KCP: variants seen among roughly 807,000 people sequenced by gnomAD.
KCP encodes the protein kielin/chordin-like protein.
A neutral mutation model predicts 212.7 loss-of-function variants in KCP; 194 were observed. The observed-to-expected ratio is 0.91, with a 90% confidence interval of 0.81 to 1.03. The LOEUF (loss-of-function observed/expected upper bound fraction) is 1.03. KCP is among the 50% of genes least tolerant of loss of function. The probability of loss-of-function intolerance (pLI) is 0.00; values close to 1 mark genes in which losing one functional copy is unlikely to be tolerated. For synonymous variants in KCP, 833 were observed against 865.3 expected (o/e 0.96, Z 0.65); for missense variants, 2,080 against 2,162.5 (o/e 0.96, Z 0.76).
rs940525120 is a variant in KCP at position 128,876,976 on chromosome 7, A to C, written c.*67T>G. On this transcript the variant is annotated 3_prime_UTR_variant, in exon 40 of 40. Coordinates refer to ENST00000610776, the MANE Select transcript of KCP (RefSeq NM_001366122.1). ...GGGCATTCTCTCCATAGCCCTAACC[A>C]GGGTGGGAACTGCTCGCCAAGGGGA... 1 of 1,505,590 alleles carries C rather than the reference A, an allele frequency of 6.6e-7. No individual in the cohort carries two copies. Among genetic ancestry groups the C allele is most frequent in the African/African-American group, 1.4e-5 (1 of 70,430 alleles). 93.3% of individuals were successfully genotyped at this position (1,505,590 alleles called of 1,614,324 possible). A position where few individuals can be genotyped will look rare whatever the true frequency, so the allele number is the denominator to read the frequency against.
chr7:128,907,286 T>C lies in KCP; in HGVS notation c.387A>G (p.Gln129=), dbSNP rs1483279550. 2.0e-6 allele frequency: 3 copies of C among 1,535,502 alleles called. No individual in the cohort carries two copies. Among genetic ancestry groups the C allele is most frequent in the South Asian group, 2.4e-5 (2 of 83,548 alleles). ...CQDGAAHCGP[Q]AHLPHCRGCS... is the part of the protein sequence containing the mutation. ...TACCCCTGCAATGGGGCAGGTGTGC[T>C]TGGGGGCCACAGTGAGCGGCCCCAT... The change falls in exon 3 of 40, where the codon CAA becomes CAG. Residue 129 remains glutamine, a synonymous_variant. Transcript: ENST00000610776.
chr7:128,893,428 A>C lies in KCP; in HGVS notation c.1148T>G (p.Leu383Arg), dbSNP rs539049577. 1 of 1,551,614 alleles carries C rather than the reference A, an allele frequency of 6.4e-7. No individual in the cohort carries two copies. Among genetic ancestry groups the C allele is most frequent in the South Asian group, 1.2e-5 (1 of 84,062 alleles). ...HQYQSQETFR[L>R]QERGLCVRCS... is the part of the protein sequence containing the mutation. Reference sequence around the variant, plus strand: ...GCGGACACAGAGGCCCCGCTCTTGGAGTCTGAAGGTCTCCTGGCTCTGATA... The same window carrying C: ...GCGGACACAGAGGCCCCGCTCTTGGCGTCTGAAGGTCTCCTGGCTCTGATA... Residue 383 changes from leucine (L) to arginine (R), a missense_variant, in exon 12 of 40, where the codon CTC becomes CGC. Leu to Arg is a moderately radical substitution (Grantham distance 102, BLOSUM62 -2). Transcript: ENST00000610776.
At chr7:128,885,658 CATCTGTT>C (rs1303921897) in intron 26 of KCP, among the ~76,000 whole-genome samples, 4 of 152,200 alleles carry the variant, frequency 2.6e-5, no homozygotes, top group African/African-American at 9.7e-5. Flanking sequence ...TCAGTCTCCT[CATCTGTT>C]AAATGGGGAT....
chr7:128,901,567 C>A (rs1331711899), intron 8 of KCP, among the ~76,000 whole-genome samples: 2 of 151,952 alleles, frequency 1.3e-5, no homozygotes, highest in Non-Finnish European at 2.9e-5. Flanking sequence ...CGGAGCTTGC[C>A]GTGAGCCAAG....
rs560098339 is a variant in KCP at position 128,876,942 on chromosome 7, G to A, written c.*101C>T. ...GCAGGGCAGGGGCCCAGGCTCCAGTGTCCAGGCAGGGCATTCTCTCCATAG... is the reference window on the plus strand; with the variant it reads ...GCAGGGCAGGGGCCCAGGCTCCAGTATCCAGGCAGGGCATTCTCTCCATAG... On this transcript the variant is annotated 3_prime_UTR_variant, in exon 40 of 40. Transcript: ENST00000610776. 3.8e-5 allele frequency: 52 copies of A among 1,380,550 alleles called. No homozygotes were observed. In the African/African-American group the frequency reaches 6.2e-4, roughly 16 times the overall value. 85.5% of individuals were successfully genotyped at this position (1,380,550 alleles called of 1,614,324 possible). A position where few individuals can be genotyped will look rare whatever the true frequency, so the allele number is the denominator to read the frequency against.
chr7:128,888,739 G>A (rs1226932098), intron 22 of KCP, 124 bp downstream of exon 22: 10 of 933,968 alleles, frequency 1.1e-5, no homozygotes, highest in East Asian at 5.3e-5. Context: ...TGAGGGAGTC[G>A]GAGAGTGAGA....
chr7:128,894,039 C>T lies in KCP; in HGVS notation c.942G>A (p.Gly314=), dbSNP rs1794361143. 2 of 1,550,016 alleles carry T rather than the reference C, an allele frequency of 1.3e-6. No individual in the cohort carries two copies. Among genetic ancestry groups the T allele is most frequent in the African/African-American group, 1.4e-5 (1 of 73,170 alleles). The change falls in exon 10 of 40, where the codon GGG becomes GGA. Residue 314 remains glycine (G), a synonymous_variant. Transcript: ENST00000610776. ...CAGGCTCCCCGCTGCGGTGCTCCCG[C>T]CCGTTTAGGAAACAGCCTGTTGGGA... The part of the protein sequence containing the change: ...CPVCDGCFLN[G]REHRSGEPVG...
chr7:128,889,123 G>A lies in KCP; in HGVS notation c.2336-84C>T, dbSNP rs1793926357. 5 of 1,047,624 alleles carry A rather than the reference G, an allele frequency of 4.8e-6. No individual in the cohort carries two copies. The South Asian group carries it at 5.9e-5, about 12-fold the overall frequency. 64.9% of individuals were successfully genotyped at this position (1,047,624 alleles called of 1,614,324 possible). The stretch of plus-strand genomic sequence containing the variant: ...GGTCATAGGCTCTGAGCTTGGGCCT[G>A]TTATGCATCCAAGATCTCAAAGATC... On this transcript the variant is annotated intron_variant, in intron 21 of 39. Coordinates refer to ENST00000610776, the MANE Select transcript of KCP (RefSeq NM_001366122.1).
Position 128,885,225 on chromosome 7 carries a change from AC to A in KCP, c.2911del (p.Val971CysfsTer114). 1.9e-6 allele frequency: 3 copies of A among 1,550,368 alleles called. No homozygotes were observed. The highest frequency in any genetic ancestry group is 2.6e-6 in the Non-Finnish European group (3 of 1,146,726). ...GEEHPEGSRW[V>X]PPDSACSSCV... is the part of the protein sequence containing the mutation. The stretch of plus-strand genomic sequence containing the variant: ...GGAGGAGCAGGCACTGTCGGGGGGC[AC>A]CCATCTACTGCCTTCGGGGTGCTCT... On this transcript the variant is annotated frameshift_variant, in exon 27 of 40. Transcript: ENST00000610776. LOFTEE classifies it high-confidence loss of function.
intron 21 of KCP, 94 bp from the exon 22 acceptor site, chr7:128,889,133 CAAGATCTCA>C (rs1793927100): frequency 9.2e-6 from 9 of 977,690 alleles, no homozygotes; most frequent in Non-Finnish European, 8.4e-6. Flanking sequence ...GTTATGCATC[CAAGATCTCA>C]AAGATCTAGC....
At chr7:128,905,147 A>ACTAC (rs1384670346) in intron 5 of KCP, among the ~76,000 whole-genome samples, 1 of 151,832 alleles carries the variant, frequency 6.6e-6, no homozygotes, top group Non-Finnish European at 1.5e-5. Flanking sequence ...CACCTTTCTT[A>ACTAC]CTACCAACTG....
chr7:128,891,942 TG>T (rs1794175495), intron 16 of KCP, 123 bp from the exon 17 acceptor site: 1 of 689,640 alleles, frequency 1.5e-6, no homozygotes, highest in African/African-American at 1.8e-5. Context: ...GAGGAGGAAG[TG>T]GCCATGTGCA....
At chr7:128,885,021 G>A (rs936879129) in intron 27 of KCP, 76 bp downstream of exon 27, 32 of 1,532,990 alleles carry the variant, frequency 2.1e-5, no homozygotes, top group Non-Finnish European at 2.4e-5. Flanking sequence ...TCTGCCACCC[G>A]GCCCAGCAGC....
intron 8 of KCP, among the ~76,000 whole-genome samples, chr7:128,894,541 C>T (rs1419369626): frequency 2.7e-5 from 4 of 150,534 alleles, no homozygotes; most frequent in African/African-American, 1.0e-4. Context: ...GTCCCTAATT[C>T]AATATAACTA....
In KCP at chr7:128,893,912, C is replaced by G; in HGVS notation, c.1006-13G>C. ...GGACACTCCCATTCTGCCAACAGGG[C>G]CTGGTCAGCACGCCAGAGGCAGGCC... is the stretch of plus-strand genomic sequence containing the variant. On this transcript the variant is annotated splice_polypyrimidine_tract_variant and intron_variant, in intron 10 of 39. Coordinates refer to ENST00000610776, the MANE Select transcript of KCP (RefSeq NM_001366122.1). 2 of 1,550,996 alleles carry G rather than the reference C, an allele frequency of 1.3e-6. No individual in the cohort carries two copies. Among genetic ancestry groups the G allele is most frequent in the Non-Finnish European group, 1.7e-6 (2 of 1,146,878 alleles).
chr7:128,884,151 C>G (rs909507464), intron 28 of KCP, 29 bp from the exon 29 acceptor site: 1 of 1,519,708 alleles, frequency 6.6e-7, no homozygotes, highest in Non-Finnish European at 8.8e-7. Flanking sequence ...AGCGGTGGGT[C>G]CTGGGCCACA....
At chr7:128,903,550 G>T (rs1794966831) in intron 7 of KCP, among the ~76,000 whole-genome samples, 177 bp downstream of exon 7, 1 of 152,200 alleles carries the variant, frequency 6.6e-6, no homozygotes, top group African/African-American at 2.4e-5. Flanking sequence ...TACACATGGG[G>T]AAATTGAGGA....
chr7:128,887,419 C>A (rs1424995386), intron 22 of KCP, 119 bp from the exon 23 acceptor site: 4 of 750,838 alleles, frequency 5.3e-6, no homozygotes, highest in East Asian at 2.7e-5. Flanking sequence ...ACACACATAG[C>A]CACACACACA....
At chr7:128,906,394 A>C (rs1375223455) in intron 4 of KCP, 31 bp from the exon 5 acceptor site, 1 of 1,455,140 alleles carries the variant, frequency 6.9e-7, no homozygotes, top group African/African-American at 1.4e-5. Context: ...GGCTGCACAG[A>C]CATCAGATTC....
Sources: gnomAD v4.1 joint callset for allele counts (sites outside exome capture counted in the v4.1 genomes callset) on GRCh38, gnomAD v4.1.1 for gene constraint, MANE v1.5 for transcripts, NCBI Gene and HGNC (gene_info 2026-07-23, HGNC 2026-07-21) for gene names.